KPNA3: variants seen among roughly 807,000 people sequenced by gnomAD.
KPNA3 encodes importin subunit alpha-4.
KPNA3 carries 13 observed loss-of-function variants against 73.8 expected under a neutral mutation model. The observed-to-expected ratio is 0.18, with a 90% CI of 0.11 to 0.28. The LOEUF is 0.28. KPNA3 is among the 10% of genes least tolerant of loss of function. The pLI, the probability that KPNA3 is intolerant of heterozygous loss-of-function variation, is 1.00. For synonymous variants in KPNA3, 186 were observed against 206.9 expected, an observed-to-expected ratio of 0.90 and a Z score of 0.87; for missense variants, 360 against 618.1, an observed-to-expected ratio of 0.58 and a Z score of 4.43.
chr13:49,747,264 G>A (rs1360458873), intron 1 of KPNA3, among the ~76,000 whole-genome samples: 2 of 152,136 alleles, frequency 1.3e-5, no homozygotes, highest in African/African-American at 4.8e-5. Flanking sequence ...AGAACTGCTT[G>A]AACCCGGGAG....
intron 5 of KPNA3, 31 bp downstream of exon 5, chr13:49,732,574 T>TA: frequency 6.4e-7 from 1 of 1,557,766 alleles, no homozygotes. Context: ...AGGAATGACA[T>TA]AATTCTCTCT....
chr13:49,750,701 T>C (rs1308262206), intron 1 of KPNA3, among the ~76,000 whole-genome samples: 1 of 151,704 alleles, frequency 6.6e-6, no homozygotes, highest in Admixed American at 6.6e-5. Context: ...GATAAAAATG[T>C]GTTAAGCTGG....
At chr13:49,742,332 T>C (rs1425558232) in intron 2 of KPNA3, among the ~76,000 whole-genome samples, 1 of 151,996 alleles carries the variant, frequency 6.6e-6, no homozygotes, top group Non-Finnish European at 1.5e-5. Flanking sequence ...CCAGTTACTA[T>C]GGTTCGATTT....
intron 1 of KPNA3, among the ~76,000 whole-genome samples, chr13:49,763,286 G>T (rs554243875): frequency 6.6e-6 from 1 of 152,090 alleles, no homozygotes; most frequent in South Asian, 2.1e-4. Flanking sequence ...CTGAACAGAT[G>T]GGTTTTACAG....
chr13:49,790,256 CAGG>C (rs1181088341), intron 1 of KPNA3, among the ~76,000 whole-genome samples: 1 of 152,134 alleles, frequency 6.6e-6, no homozygotes, highest in African/African-American at 2.4e-5. Context: ...CACTGGAGCC[CAGG>C]AGTTCAAGAC....
At chr13:49,768,974 G>A (rs1239296641) in intron 1 of KPNA3, among the ~76,000 whole-genome samples, 1 of 152,054 alleles carries the variant, frequency 6.6e-6, no homozygotes, top group Non-Finnish European at 1.5e-5. Flanking sequence ...AGTAGCAGGA[G>A]GATTACAGAG....
rs7446 is a variant in KPNA3, at chr13:49,701,379, C to T, written c.*421G>A. 97,500 of 386,090 alleles carry T rather than the reference C, an allele frequency of 0.25. 14,116 individuals are homozygous for T. Among genetic ancestry groups the T allele is most frequent in the Non-Finnish European group, 0.31 (57,216 of 183,350 alleles). 23.9% of individuals were successfully genotyped at this position (386,090 alleles called of 1,614,324 possible). A position where few individuals can be genotyped will look rare whatever the true frequency, so the allele number is the denominator to read the frequency against. Reference sequence around the variant, plus strand: ...GACAATGATGGAGGCTCAGATCACACTGCACCTCTTTAGTCTTCCAACTTG... The same window carrying T: ...GACAATGATGGAGGCTCAGATCACATTGCACCTCTTTAGTCTTCCAACTTG... On this transcript the variant is annotated 3_prime_UTR_variant, in exon 17 of 17. Transcript: ENST00000261667.
intron 1 of KPNA3, among the ~76,000 whole-genome samples, chr13:49,762,445 A>G (rs1954775064): frequency 6.6e-6 from 1 of 152,232 alleles, no homozygotes; most frequent in Admixed American, 6.5e-5. Context: ...TGGGGAAAAG[A>G]TAGAGAAATC....
At chr13:49,721,282 T>C (rs1954354904) in intron 9 of KPNA3, among the ~76,000 whole-genome samples, 1 of 152,332 alleles carries the variant, frequency 6.6e-6, no homozygotes, top group African/African-American at 2.4e-5. Flanking sequence ...AACATTTGCA[T>C]GTAAGTATAC....
At chr13:49,726,883 T>A (rs1954415015) in intron 6 of KPNA3, among the ~76,000 whole-genome samples, 1 of 151,380 alleles carries the variant, frequency 6.6e-6, no homozygotes, top group Non-Finnish European at 1.5e-5. Context: ...AGCCTAGGAG[T>A]TTGAGGATTC....
intron 12 of KPNA3, among the ~76,000 whole-genome samples, chr13:49,709,334 G>A (rs1954237167): frequency 6.6e-6 from 1 of 150,734 alleles, no homozygotes; most frequent in Admixed American, 6.6e-5. Flanking sequence ...CCAGGAGGCA[G>A]AGGTTGCAGT....
intron 1 of KPNA3, among the ~76,000 whole-genome samples, chr13:49,788,734 TTTTTAAA>T (rs1323588743): frequency 9.0e-6 from 1 of 111,076 alleles, no homozygotes; most frequent in East Asian, 2.6e-4. Flanking sequence ...TTTTTTTTTT[TTTTTAAA>T]AAAAAAAAGC....
intron 1 of KPNA3, among the ~76,000 whole-genome samples, chr13:49,770,051 G>T (rs1471873243): frequency 6.6e-6 from 1 of 152,062 alleles, no homozygotes; most frequent in Non-Finnish European, 1.5e-5. Flanking sequence ...AACTGTCCAA[G>T]TCCTTGCCCC....
Position 49,792,595 on chromosome 13 carries a change from G to T in KPNA3, c.-89C>A. 1 of 410,354 alleles carries T rather than the reference G, an allele frequency of 2.4e-6. No individual in the cohort carries two copies. The highest frequency in any genetic ancestry group is 2.5e-5 in the South Asian group (1 of 39,572). 25.4% of individuals were successfully genotyped at this position (410,354 alleles called of 1,614,324 possible). A position where few individuals can be genotyped will look rare whatever the true frequency, so the allele number is the denominator to read the frequency against. On this transcript the variant is annotated 5_prime_UTR_variant, in exon 1 of 17. Coordinates refer to ENST00000261667, the MANE Select transcript of KPNA3 (RefSeq NM_002267.4). ...GAGCGGGAGGGGGAGGAGGGGGAGAGCGGGAGGGGGGAGGGGAGAGAAGAG... is the reference window on the plus strand; with the variant it reads ...GAGCGGGAGGGGGAGGAGGGGGAGATCGGGAGGGGGGAGGGGAGAGAAGAG...
intron 1 of KPNA3, among the ~76,000 whole-genome samples, chr13:49,790,635 G>A (rs752767167): frequency 2.6e-5 from 4 of 152,162 alleles, no homozygotes; most frequent in Non-Finnish European, 4.4e-5. Flanking sequence ...GAAATGTAAT[G>A]TTGTGACCAA....
intron 1 of KPNA3, among the ~76,000 whole-genome samples, chr13:49,782,431 C>T (rs747335269): frequency 5.9e-5 from 9 of 152,152 alleles, no homozygotes; most frequent in Non-Finnish European, 1.2e-4. Context: ...TAGTACTTTA[C>T]AAATTATCTA....
intron 1 of KPNA3, among the ~76,000 whole-genome samples, chr13:49,757,351 G>A (rs1375371989): frequency 6.6e-6 from 1 of 151,610 alleles, no homozygotes; most frequent in East Asian, 1.9e-4. Flanking sequence ...AAGCTCAACA[G>A]GTAACCAACC....
intron 2 of KPNA3, among the ~76,000 whole-genome samples, chr13:49,741,611 G>T (rs905158100): frequency 1.3e-5 from 2 of 151,958 alleles, no homozygotes; most frequent in African/African-American, 4.8e-5. Flanking sequence ...ATGCCACCAC[G>T]CCCAGCTAAT....
intron 1 of KPNA3, among the ~76,000 whole-genome samples, chr13:49,788,700 C>T (rs924516237): frequency 6.3e-5 from 9 of 143,840 alleles, no homozygotes; most frequent in Non-Finnish European, 9.0e-5. Flanking sequence ...CCACCCTTGG[C>T]GACAGAGCCA....
Sources: allele counts gnomAD v4.1 joint callset (sites outside exome capture counted in the v4.1 genomes callset), GRCh38; gene constraint gnomAD v4.1.1; transcripts MANE v1.5; gene names NCBI Gene and HGNC (gene_info 2026-07-23, HGNC 2026-07-21).